Variants in ABCA5 observed in about 807,000 individuals in gnomAD.
ABCA5 encodes ATP binding cassette subfamily A member 5.
In ABCA5, 163 loss-of-function variants were observed where a neutral mutation model predicts 206.0. The observed-to-expected ratio is 0.79, with a 90% CI of 0.70 to 0.90. The LOEUF (loss-of-function observed/expected upper bound fraction) is 0.90, where lower values mean the gene tolerates loss of function less well. ABCA5 is among the 40% of genes least tolerant of loss of function. The probability of loss-of-function intolerance (pLI) is 0.00; values close to 1 mark genes in which losing one functional copy is unlikely to be tolerated. For missense variants in ABCA5, 1,859 were observed against 1,912.9 expected, an observed-to-expected ratio of 0.97 and a Z score of 0.53; for synonymous variants, 609 against 613.8, an observed-to-expected ratio of 0.99 and a Z score of 0.11.
Position 69,307,392 on chromosome 17 carries a change from T to C in ABCA5, c.559-438A>G, listed in dbSNP as rs1274277678. On this transcript the variant is annotated intron_variant, in intron 5 of 38. Transcript: ENST00000392676. ...CCCTTCTACTGCTTTAAAGTCTATA[T>C]ATTTAGCACATATAGACCAAATAAT... 2.0e-5 allele frequency among the ~76,000 whole-genome samples: 3 copies of C among 152,052 alleles called. No homozygotes were observed. In the East Asian group the frequency reaches 5.8e-4, roughly 29 times the overall value.
At chr17:69,274,635 T>C (rs1414914768) in intron 19 of ABCA5, among the ~76,000 whole-genome samples, 1 of 151,888 alleles carries the variant, frequency 6.6e-6, no homozygotes, top group Non-Finnish European at 1.5e-5. Context: ...AATGATCTTA[T>C]GACAATACTG....
At chr17:69,303,861 T>TATACACATAC (rs1345250742) in intron 7 of ABCA5, among the ~76,000 whole-genome samples, 8 of 59,504 alleles carry the variant, frequency 1.3e-4, no homozygotes, top group East Asian at 7.1e-4. Context: ...TATATGTATA[T>TATACACATAC]ATATATATAC....
intron 1 of ABCA5, chr17:69,315,181 C>T (rs935110200): frequency 6.6e-6 from 1 of 152,210 alleles, no homozygotes; most frequent in Admixed American, 6.5e-5. Context: ...AATTCCCAAG[C>T]TGGACATACA....
Position 69,251,947 on chromosome 17 carries a change from T to C in ABCA5, c.4416-81A>G, listed in dbSNP as rs1290182086. ...ATGGGTTTTTAAAAATCCAACCGGTTGGTTAATTAAGTTAATTAAAACTTA... is the reference window on the plus strand; with the variant it reads ...ATGGGTTTTTAAAAATCCAACCGGTCGGTTAATTAAGTTAATTAAAACTTA... On this transcript the variant is annotated intron_variant, in intron 34 of 38. Transcript: ENST00000392676. The C allele has an allele frequency of 4.0e-6, 6 of 1,481,746 alleles. No homozygotes were observed. In the African/African-American group the frequency reaches 5.7e-5, roughly 14 times the overall value. 91.8% of individuals were successfully genotyped at this position (1,481,746 alleles called of 1,614,324 possible).
chr17:69,266,428 A>T (rs1322206959), intron 23 of ABCA5, among the ~76,000 whole-genome samples: 3 of 152,056 alleles, frequency 2.0e-5, no homozygotes, highest in African/African-American at 7.2e-5. Flanking sequence ...CTAACAAACA[A>T]ACATGAATAT....
rs372565939 is a variant in ABCA5, at chr17:69,253,706, G to A, written c.4321-39C>T. On this transcript the variant is annotated intron_variant, in intron 33 of 38. Coordinates refer to ENST00000392676, the MANE Select transcript of ABCA5 (RefSeq NM_172232.4). Reference sequence around the variant, plus strand: ...AAAAGATGGGTGGGAAATTAACAAAGGTTCACTATAAGGAATCTATCAAGA... The same window carrying A: ...AAAAGATGGGTGGGAAATTAACAAAAGTTCACTATAAGGAATCTATCAAGA... 42 of 1,591,004 alleles carry A rather than the reference G, an allele frequency of 2.6e-5. No homozygotes were observed. The South Asian group carries it at 4.3e-4, about 16-fold the overall frequency.
At chr17:69,256,930 T>C (rs2075090034) in intron 28 of ABCA5, among the ~76,000 whole-genome samples, 1 of 152,064 alleles carries the variant, frequency 6.6e-6, no homozygotes, top group Non-Finnish European at 1.5e-5. Context: ...TAAATGAAAT[T>C]GCCCAGAAAG....
intron 5 of ABCA5, among the ~76,000 whole-genome samples, chr17:69,307,895 A>G (rs939220882): frequency 5.9e-5 from 9 of 152,148 alleles, no homozygotes; most frequent in Admixed American, 5.9e-4. Flanking sequence ...GTAGCATAGT[A>G]AATTTTGTAG....
Position 69,261,646 on chromosome 17 carries a change from TA to T in ABCA5, c.3417del (p.Phe1139LeufsTer16). The T allele has an allele frequency of 7.2e-7, 1 of 1,383,930 alleles. No homozygotes were observed. The highest frequency in any genetic ancestry group is 9.9e-7 in the Non-Finnish European group (1 of 1,010,598). 85.7% of individuals were successfully genotyped at this position (1,383,930 alleles called of 1,614,324 possible). ...KILNTKEFWS[F>X]IYSVAALACI... ...AAAATGTGACTTACCACAGAATAGATAAATGACCAAAATTCTTTGGTATTTA... is the reference window on the plus strand; with the variant it reads ...AAAATGTGACTTACCACAGAATAGATAATGACCAAAATTCTTTGGTATTTA... On this transcript the variant is annotated frameshift_variant, in exon 25 of 39. Coordinates refer to ENST00000392676, the MANE Select transcript of ABCA5 (RefSeq NM_172232.4). LOFTEE classifies it high-confidence loss of function.
chr17:69,286,177 G>A (rs1156274976), intron 16 of ABCA5, 44 bp downstream of exon 16: 1 of 1,566,048 alleles, frequency 6.4e-7, no homozygotes, highest in East Asian at 2.3e-5. Context: ...TAACAGTATA[G>A]CAAGAGTATA....
chr17:69,265,576 AT>A (rs1184724638), intron 23 of ABCA5, among the ~76,000 whole-genome samples: 2 of 152,124 alleles, frequency 1.3e-5, no homozygotes, highest in Non-Finnish European at 2.9e-5. Flanking sequence ...TATTTAGTTG[AT>A]TTTTGTCATC....
chr17:69,292,891 A>G (rs887279720), intron 11 of ABCA5, among the ~76,000 whole-genome samples: 4 of 152,226 alleles, frequency 2.6e-5, no homozygotes, highest in African/African-American at 9.6e-5. Context: ...AAAATGTGAA[A>G]AGAACTTGAA....
At chr17:69,295,360 T>C (rs976079679) in intron 10 of ABCA5, among the ~76,000 whole-genome samples, 1 of 152,154 alleles carries the variant, frequency 6.6e-6, no homozygotes, top group Non-Finnish European at 1.5e-5. Flanking sequence ...ATTCAAGGCT[T>C]ACGGTATTGC....
intron 20 of ABCA5, among the ~76,000 whole-genome samples, chr17:69,272,839 T>C (rs894040315): frequency 3.3e-5 from 5 of 152,204 alleles, no homozygotes; most frequent in East Asian, 1.9e-4. Flanking sequence ...ATTATTTTAA[T>C]ACTAATTTAT....
intron 11 of ABCA5, among the ~76,000 whole-genome samples, chr17:69,292,876 A>T (rs567834167): frequency 6.6e-6 from 1 of 152,324 alleles, no homozygotes; most frequent in African/African-American, 2.4e-5. Context: ...AAAGGTCTTG[A>T]AACAAAAATG....
intron 36 of ABCA5, 90 bp from the exon 37 acceptor site, chr17:69,250,074 T>A: frequency 3.6e-6 from 3 of 830,140 alleles, no homozygotes; most frequent in Non-Finnish European, 3.5e-6. Context: ...AATTCAAAAT[T>A]AAATTCAATA....
intron 1 of ABCA5, 110 bp from the exon 2 acceptor site, chr17:69,314,540 G>A (rs1343813234): frequency 1.6e-6 from 1 of 637,808 alleles, no homozygotes; most frequent in Non-Finnish European, 2.8e-6. Context: ...GATGGATTAA[G>A]CATACTCCAA....
chr17:69,294,695 C>T lies in ABCA5; in HGVS notation c.1455G>A (p.Lys485=). ...KEAIRISGIQ[K]TYRKKGENVE... is the part of the protein sequence containing the mutation. ...CATTTTCACCCTTCTTTCTGTATGT[C>T]TTCTGAATACCACTAATTCTGAAAT... Residue 485 remains lysine, a synonymous_variant, in exon 11 of 39, where the codon AAG becomes AAA. Coordinates refer to ENST00000392676, the MANE Select transcript of ABCA5 (RefSeq NM_172232.4). 1.9e-6 allele frequency: 3 copies of T among 1,604,010 alleles called. No individual in the cohort carries two copies. The highest frequency in any genetic ancestry group is 2.6e-6 in the Non-Finnish European group (3 of 1,173,058).
At chr17:69,312,282 A>T (rs967292752) in intron 3 of ABCA5, among the ~76,000 whole-genome samples, 1 of 152,174 alleles carries the variant, frequency 6.6e-6, no homozygotes, top group African/African-American at 2.4e-5. Flanking sequence ...TCTTTGTGAG[A>T]AGTGCACATT....
Sources: allele counts gnomAD v4.1 joint callset (sites outside exome capture counted in the v4.1 genomes callset), GRCh38; gene constraint gnomAD v4.1.1; transcripts MANE v1.5; gene names NCBI Gene and HGNC (gene_info 2026-07-23, HGNC 2026-07-21).